Variants in CCDC88A observed in about 807,000 individuals in gnomAD.
CCDC88A encodes the protein girdin.
In CCDC88A, 54 loss-of-function variants were observed where a neutral mutation model predicts 234.3. That is an observed-to-expected ratio of 0.23 (90% CI 0.19 to 0.29). The LOEUF is 0.29. Ranked by LOEUF, CCDC88A falls within the 10% of genes least tolerant of loss-of-function variation. CCDC88A has a pLI of 1.00. For missense variants in CCDC88A, 1,832 were observed against 2,123.4 expected, an observed-to-expected ratio of 0.86 and a Z score of 2.70; for synonymous variants, 753 against 737.8, an observed-to-expected ratio of 1.02 and a Z score of -0.33.
chr2:55,349,505 T>A lies in CCDC88A; in HGVS notation c.882+13A>T. ...CTTGGTGGTCCTAAATAACAGATAT[T>A]CCAGGTACAAACCTCTTGTTGCAGC... On this transcript the variant is annotated intron_variant, in intron 9 of 32. Coordinates refer to ENST00000436346, the MANE Select transcript of CCDC88A (RefSeq NM_001365480.1). 6.3e-7 allele frequency: 1 copy of A among 1,583,556 alleles called. No individual in the cohort carries two copies. The highest frequency in any genetic ancestry group is 8.7e-7 in the Non-Finnish European group (1 of 1,155,814).
chr2:55,389,854 A>G (rs917534714), intron 2 of CCDC88A, among the ~76,000 whole-genome samples: 2 of 151,968 alleles, frequency 1.3e-5, no homozygotes, highest in East Asian at 3.9e-4. Context: ...CAGCCTGGCC[A>G]ACATGGTGAA....
In CCDC88A at chr2:55,364,097, A is replaced by C. The variant is rs1157983806; in HGVS notation, c.403-64T>G. ...GGGTATGGTCCTTAAAATGTTATAT[A>C]TAACTAAAACTTTATGAGGTTTGCT... On this transcript the variant is annotated intron_variant, in intron 5 of 32. Coordinates refer to ENST00000436346, the MANE Select transcript of CCDC88A (RefSeq NM_001365480.1). 6.7e-6 allele frequency: 5 copies of C among 748,606 alleles called. No individual in the cohort carries two copies. In the East Asian group the frequency reaches 1.4e-4, roughly 21 times the overall value. The allele number at this position is 748,606 out of a possible 1,614,324, so 46.4% of individuals were successfully genotyped here. A position where few individuals can be genotyped will look rare whatever the true frequency, so the allele number is the denominator to read the frequency against.
intron 5 of CCDC88A, among the ~76,000 whole-genome samples, chr2:55,371,355 CA>C (rs1672820122): frequency 6.6e-6 from 1 of 151,978 alleles, no homozygotes; most frequent in Admixed American, 6.6e-5. Context: ...CTCTAAAAGC[CA>C]ACACTGGGAC....
intron 3 of CCDC88A, among the ~76,000 whole-genome samples, chr2:55,384,340 C>CG (rs1380388286): frequency 6.8e-6 from 1 of 147,868 alleles, no homozygotes. Context: ...AAAAAAAAAT[C>CG]CAGAAGTGTA....
chr2:55,308,642 A>G (rs1681949137), intron 25 of CCDC88A, 167 bp downstream of exon 25: 1 of 595,194 alleles, frequency 1.7e-6, no homozygotes, highest in Non-Finnish European at 2.9e-6. Context: ...TTTACCTCAG[A>G]AAATTGTGTG....
At chr2:55,297,824 G>T (rs980963304) in intron 29 of CCDC88A, among the ~76,000 whole-genome samples, 1 of 151,970 alleles carries the variant, frequency 6.6e-6, no homozygotes, top group Admixed American at 6.6e-5. Context: ...CTACTTGAAG[G>T]CTTCTCTGTT....
intron 6 of CCDC88A, among the ~76,000 whole-genome samples, chr2:55,362,715 GAAAGT>G (rs1045333614): frequency 2.0e-5 from 3 of 151,872 alleles, no homozygotes; most frequent in Non-Finnish European, 2.9e-5. Context: ...ATTCTTAAAG[GAAAGT>G]AATGTTGATA....
chr2:55,372,455 A>C lies in CCDC88A; in HGVS notation c.399T>G (p.Val133=). 6.7e-7 allele frequency: 1 copy of C among 1,485,454 alleles called. No homozygotes were observed. The highest frequency in any genetic ancestry group is 9.3e-7 in the Non-Finnish European group (1 of 1,072,126). 92.0% of individuals were successfully genotyped at this position (1,485,454 alleles called of 1,614,324 possible). The change falls in exon 5 of 33, where the codon GTT becomes GTG. Residue 133 remains valine (V), a synonymous_variant. Coordinates refer to ENST00000436346, the MANE Select transcript of CCDC88A (RefSeq NM_001365480.1). The stretch of plus-strand genomic sequence containing the variant: ...ATGAAAAAATATTTTAACTTACCTG[A>C]ACTGCACAACCCAATAAAAGTAAAA... The part of the protein sequence containing the change: ...KLLLLLLGCA[V]QCQKKEEFIE...
intron 5 of CCDC88A, among the ~76,000 whole-genome samples, chr2:55,366,935 C>G (rs1323802446): frequency 6.6e-6 from 1 of 152,080 alleles, no homozygotes; most frequent in Admixed American, 6.6e-5. Context: ...AGCAGGGATT[C>G]AAACAGACAT....
chr2:55,325,132 T>C (rs1448840399), intron 17 of CCDC88A, among the ~76,000 whole-genome samples: 1 of 152,248 alleles, frequency 6.6e-6, no homozygotes, highest in Non-Finnish European at 1.5e-5. Flanking sequence ...TGGGATTATG[T>C]TGAATCAAGA....
intron 6 of CCDC88A, 34 bp downstream of exon 6, chr2:55,363,916 T>A: frequency 8.4e-7 from 1 of 1,195,820 alleles, no homozygotes; most frequent in Non-Finnish European, 1.2e-6. Context: ...ACAAGCTTCA[T>A]AAATAGCACG....
intron 2 of CCDC88A, among the ~76,000 whole-genome samples, chr2:55,398,538 C>T (rs780434977): frequency 2.6e-5 from 4 of 152,072 alleles, no homozygotes; most frequent in Non-Finnish European, 4.4e-5. Context: ...GTTAGGATCA[C>T]GGAAAACAGG....
chr2:55,289,504 G>C lies in CCDC88A; in HGVS notation c.*1696C>G, dbSNP rs191194951. ...AAAAGGTTTTAGATATTTCTGTTGT[G>C]CATTATTTTTGTATGTTAGTAAGAA... On this transcript the variant is annotated 3_prime_UTR_variant, in exon 33 of 33. Transcript: ENST00000436346. 2,063 of 152,218 alleles carry C rather than the reference G, an allele frequency of 0.014. 27 individuals are homozygous for C. Among genetic ancestry groups the C allele is most frequent in the Middle Eastern group, 0.027 (8 of 294 alleles). The allele number at this position is 152,218 out of a possible 1,614,324, so 9.4% of individuals were successfully genotyped here. A position where few individuals can be genotyped will look rare whatever the true frequency, so the allele number is the denominator to read the frequency against.
At chr2:55,383,070 A>G (rs1458407554) in intron 3 of CCDC88A, among the ~76,000 whole-genome samples, 2 of 52,258 alleles carry the variant, frequency 3.8e-5, no homozygotes, top group African/African-American at 1.1e-4. Context: ...AAATCATAAA[A>G]ATGAAAAAAA....
At chr2:55,298,766 G>A (rs375590416) in intron 29 of CCDC88A, among the ~76,000 whole-genome samples, 38 of 150,838 alleles carry the variant, frequency 2.5e-4, no homozygotes, top group Non-Finnish European at 4.6e-4. Flanking sequence ...TCCCAGTTAC[G>A]TGGGAGGCTG....
intron 2 of CCDC88A, among the ~76,000 whole-genome samples, chr2:55,402,284 T>C (rs1678831778): frequency 1.3e-5 from 2 of 152,208 alleles, no homozygotes; most frequent in South Asian, 4.1e-4. Context: ...TTTCACTTCT[T>C]TGCAAATCTC....
intron 12 of CCDC88A, among the ~76,000 whole-genome samples, chr2:55,343,389 CTT>C (rs1405928829): frequency 6.6e-6 from 1 of 152,034 alleles, no homozygotes; most frequent in East Asian, 1.9e-4. Context: ...ATTGCAGCCT[CTT>C]AGGATATTAA....
chr2:55,394,236 T>A (rs548085117), intron 2 of CCDC88A: 1 of 152,222 alleles, frequency 6.6e-6, no homozygotes, highest in Non-Finnish European at 1.5e-5. Context: ...ACTTCATCCA[T>A]GTCCCTACAA....
intron 2 of CCDC88A, chr2:55,403,991 A>G (rs1679147912): frequency 6.6e-6 from 1 of 152,208 alleles, no homozygotes; most frequent in Non-Finnish European, 1.5e-5. Context: ...AAGAAATTCC[A>G]AAGTGGGCTG....
Sources: allele counts gnomAD v4.1 joint callset (sites outside exome capture counted in the v4.1 genomes callset), GRCh38; gene constraint gnomAD v4.1.1; transcripts MANE v1.5; gene names NCBI Gene and HGNC (gene_info 2026-07-23, HGNC 2026-07-21).